The following EYS variants were observed in gnomAD, a reference collection of about 807,000 sequenced individuals.
EYS encodes EGF-like photoreceptor maintenance factor.
A neutral mutation model predicts 282.1 loss-of-function variants in EYS; 250 were observed. The ratio of observed to expected loss-of-function variants is 0.89; its 90% CI spans 0.80 to 0.98. The LOEUF (loss-of-function observed/expected upper bound fraction) is 0.98, where lower values mean the gene tolerates loss of function less well. Ranked by LOEUF, EYS falls within the 50% of genes least tolerant of loss-of-function variation. The pLI is 0.00. For synonymous variants in EYS, 1,355 were observed against 1,282.9 expected, an observed-to-expected ratio of 1.06 and a Z score of -1.20; for missense variants, 4,016 against 3,709.0, an observed-to-expected ratio of 1.08 and a Z score of -2.15.
chr6:65,437,234 C>G (rs574583430), intron 5 of EYS, among the ~76,000 whole-genome samples: 1 of 152,220 alleles, frequency 6.6e-6, no homozygotes, highest in South Asian at 2.1e-4. Flanking sequence ...AATATCCTAA[C>G]AACTGCAGTT....
intron 30 of EYS, among the ~76,000 whole-genome samples, chr6:64,258,797 G>GT (rs34041525): frequency 6.6e-5 from 10 of 151,560 alleles, no homozygotes; most frequent in South Asian, 4.2e-4. Flanking sequence ...TTCCTTTACA[G>GT]TTTTTTTTCC....
chr6:65,546,185 GTTTTT>G (rs5876969), intron 2 of EYS, among the ~76,000 whole-genome samples: 1 of 126,864 alleles, frequency 7.9e-6, no homozygotes. Context: ...CATCTGTCTA[GTTTTT>G]TTTTTTTTTT....
chr6:65,292,288 A>T (rs1018903541), intron 12 of EYS, among the ~76,000 whole-genome samples: 4 of 151,780 alleles, frequency 2.6e-5, no homozygotes, highest in African/African-American at 9.7e-5. Flanking sequence ...AACACAAAAT[A>T]GGCTACACTA....
intron 16 of EYS, among the ~76,000 whole-genome samples, chr6:64,910,617 T>A (rs1767961256): frequency 6.6e-6 from 1 of 151,952 alleles, no homozygotes; most frequent in African/African-American, 2.4e-5. Context: ...TTACGTACAA[T>A]AATAAAATAC....
chr6:64,026,453 C>G (rs529949899), intron 33 of EYS, among the ~76,000 whole-genome samples: 16 of 152,272 alleles, frequency 1.1e-4, no homozygotes, highest in African/African-American at 3.8e-4. Context: ...AGAGGCAGCT[C>G]ATTTTGTTTC....
intron 29 of EYS, among the ~76,000 whole-genome samples, chr6:64,366,360 G>A (rs1393202397): frequency 6.6e-6 from 1 of 152,116 alleles, no homozygotes; most frequent in African/African-American, 2.4e-5. Flanking sequence ...CAATAAAAAT[G>A]TCAAGCTAGC....
At chr6:64,890,257 G>A (rs1243332206) in intron 18 of EYS, among the ~76,000 whole-genome samples, 1 of 151,998 alleles carries the variant, frequency 6.6e-6, no homozygotes, top group Non-Finnish European at 1.5e-5. Context: ...TTTTAATTTC[G>A]TCCTGGTCCT....
At chr6:64,287,770 C>T (rs1370128824) in intron 30 of EYS, among the ~76,000 whole-genome samples, 1 of 152,046 alleles carries the variant, frequency 6.6e-6, no homozygotes, top group Non-Finnish European at 1.5e-5. Flanking sequence ...TCATGGTTAA[C>T]AATAGACCGG....
intron 12 of EYS, among the ~76,000 whole-genome samples, chr6:65,201,707 G>T (rs1340848123): frequency 6.6e-6 from 1 of 151,912 alleles, no homozygotes; most frequent in Non-Finnish European, 1.5e-5. Flanking sequence ...ATTCTGTTTT[G>T]TCCTATAACT....
At chr6:63,931,961 A>G (rs1454104634) in intron 35 of EYS, among the ~76,000 whole-genome samples, 1 of 152,076 alleles carries the variant, frequency 6.6e-6, no homozygotes, top group Non-Finnish European at 1.5e-5. Flanking sequence ...AATAACCACA[A>G]TTCTATTCTC....
chr6:65,624,967 T>A (rs12215492), intron 2 of EYS, among the ~76,000 whole-genome samples: 54,354 of 152,032 alleles, frequency 0.36, 12,123 homozygotes, highest in Non-Finnish European at 0.49. Flanking sequence ...CTCCCCTTTA[T>A]ATACACATCT....
intron 28 of EYS, among the ~76,000 whole-genome samples, chr6:64,421,524 C>A (rs1207384609): frequency 6.6e-6 from 1 of 152,094 alleles, no homozygotes; most frequent in East Asian, 1.9e-4. Context: ...TTTTGTCTTT[C>A]ATATCTAGGG....
chr6:64,949,926 C>G (rs1769427439), intron 14 of EYS, among the ~76,000 whole-genome samples: 1 of 151,890 alleles, frequency 6.6e-6, no homozygotes, highest in African/African-American at 2.4e-5. Context: ...AAATAATTAT[C>G]ATTAATTAGT....
At chr6:65,528,975 TAAG>T (rs1767667147) in intron 2 of EYS, among the ~76,000 whole-genome samples, 1 of 152,200 alleles carries the variant, frequency 6.6e-6, no homozygotes, top group Non-Finnish European at 1.5e-5. Flanking sequence ...AAGAGAAAGA[TAAG>T]AAATATCAAT....
chr6:64,766,050 T>G (rs1207952294), intron 22 of EYS, among the ~76,000 whole-genome samples: 5 of 151,892 alleles, frequency 3.3e-5, no homozygotes, highest in Admixed American at 6.6e-5. Flanking sequence ...TTTTTTTTTG[T>G]AAAATAATAT....
chr6:64,941,939 T>A (rs1391326571), intron 15 of EYS, among the ~76,000 whole-genome samples: 1 of 152,098 alleles, frequency 6.6e-6, no homozygotes, highest in Non-Finnish European at 1.5e-5. Context: ...ATGTATCTTT[T>A]TGGTAGAATG....
At chr6:64,146,490 T>G (rs1306600716) in intron 31 of EYS, among the ~76,000 whole-genome samples, 1 of 152,158 alleles carries the variant, frequency 6.6e-6, no homozygotes, top group Non-Finnish European at 1.5e-5. Context: ...ATAGTTTATA[T>G]GGAATGTGAT....
chr6:65,243,578 G>T (rs2150277556), intron 12 of EYS, among the ~76,000 whole-genome samples: 1 of 152,114 alleles, frequency 6.6e-6, no homozygotes, highest in South Asian at 2.1e-4. Context: ...TTTTTTGTAT[G>T]CCATTTAAGA....
rs377270699 is a variant in EYS at position 65,335,044 on chromosome 6, T to C, written c.1702A>G (p.Thr568Ala). The change falls in exon 11 of 43, where the codon ACT becomes GCT. Residue 568 changes from threonine (T) to alanine (A), a missense_variant. By Grantham distance (58) the Thr-to-Ala change is moderately conservative (BLOSUM62 0). Transcript: ENST00000503581. ...WAGNMYLENTTDDQENECQHE... is the reference protein window; with the variant it reads ...WAGNMYLENTADDQENECQHE... ...TGACACTCATTTTCTTGATCATCAG[T>C]TGTATTTTCCAGATACATGTTGCCA... is the stretch of plus-strand genomic sequence containing the variant. 32 of 1,611,558 alleles carry C rather than the reference T, an allele frequency of 2.0e-5. No individual in the cohort carries two copies. The Middle Eastern group carries it at 4.9e-4, about 25-fold the overall frequency.
Sources: allele counts gnomAD v4.1 joint callset (sites outside exome capture counted in the v4.1 genomes callset), GRCh38; gene constraint gnomAD v4.1.1; transcripts MANE v1.5; gene names NCBI Gene and HGNC (gene_info 2026-07-23, HGNC 2026-07-21).